The following DOCK10 variants were observed in gnomAD, a reference collection of about 807,000 sequenced individuals.
The protein encoded by DOCK10 is dedicator of cytokinesis 10.
DOCK10 carries 145 observed loss-of-function variants against 280.1 expected under a neutral mutation model. The observed-to-expected ratio is 0.52, with a 90% CI of 0.45 to 0.59. The LOEUF (loss-of-function observed/expected upper bound fraction) is 0.59. Among genes scored for constraint, DOCK10 ranks in the 20% least tolerant of loss-of-function variants. DOCK10 has a pLI of 0.00. For synonymous variants in DOCK10, 915 were observed against 942.2 expected (o/e 0.97, Z 0.53); for missense variants, 2,368 against 2,651.7 (o/e 0.89, Z 2.35).
At chr2:224,921,353 GT>G (rs1160590265) in intron 2 of DOCK10, among the ~76,000 whole-genome samples, 1 of 151,142 alleles carries the variant, frequency 6.6e-6, no homozygotes, top group African/African-American at 2.4e-5. Context: ...AATTTAAGAA[GT>G]TTTTTGTTTG....
At chr2:224,844,656 C>A (rs879229432) in intron 22 of DOCK10, 97 bp downstream of exon 22, 2 of 814,162 alleles carry the variant, frequency 2.5e-6, no homozygotes, top group Admixed American at 2.2e-5. Context: ...CTTTCTGACA[C>A]TTCATGAAAT....
chr2:224,918,798 TAGTGTATGTGTGGTGTG>T (rs1207906782), intron 2 of DOCK10, among the ~76,000 whole-genome samples: 6 of 150,620 alleles, frequency 4.0e-5, no homozygotes, highest in Non-Finnish European at 5.9e-5. Flanking sequence ...GTGAGTGTGG[TAGTGTATGTGTGGTGTG>T]AGTGTATGTG....
chr2:224,828,133 T>A (rs575099452), intron 27 of DOCK10, among the ~76,000 whole-genome samples: 1 of 152,286 alleles, frequency 6.6e-6, no homozygotes, highest in Admixed American at 6.5e-5. Context: ...AATCCTAGCT[T>A]AACCCAGCTG....
chr2:225,005,453 C>A (rs1468106595), intron 1 of DOCK10, among the ~76,000 whole-genome samples: 1 of 152,188 alleles, frequency 6.6e-6, no homozygotes, highest in Non-Finnish European at 1.5e-5. Flanking sequence ...TCATGTCCCA[C>A]CATCTTGATT....
intron 1 of DOCK10, among the ~76,000 whole-genome samples, chr2:224,993,668 G>GT (rs1269800925): frequency 6.6e-6 from 1 of 152,086 alleles, no homozygotes; most frequent in African/African-American, 2.4e-5. Context: ...ATTTTCAAGC[G>GT]TAACTGAATT....
At chr2:224,991,391 T>C (rs1361851752) in intron 1 of DOCK10, among the ~76,000 whole-genome samples, 1 of 152,206 alleles carries the variant, frequency 6.6e-6, no homozygotes, top group African/African-American at 2.4e-5. Flanking sequence ...TACATAACTG[T>C]TGTAACAAAG....
intron 27 of DOCK10, among the ~76,000 whole-genome samples, chr2:224,827,606 G>A (rs771987728): frequency 2.6e-5 from 4 of 152,118 alleles, no homozygotes; most frequent in South Asian, 2.1e-4. Context: ...GTTAAGCGTC[G>A]TTTTCGTCAG....
At chr2:224,919,569 T>G (rs1701572083) in intron 2 of DOCK10, among the ~76,000 whole-genome samples, 1 of 150,948 alleles carries the variant, frequency 6.6e-6, no homozygotes, top group African/African-American at 2.4e-5. Flanking sequence ...TGTGTCTGCA[T>G]GTGTATGTGT....
chr2:224,902,633 T>C (rs1700361666), intron 3 of DOCK10, among the ~76,000 whole-genome samples: 1 of 151,980 alleles, frequency 6.6e-6, no homozygotes, highest in Non-Finnish European at 1.5e-5. Context: ...AGACTGTTCC[T>C]GCAAACCAGG....
intron 7 of DOCK10, among the ~76,000 whole-genome samples, chr2:224,876,814 T>C (rs1698659250): frequency 6.6e-6 from 1 of 152,146 alleles, no homozygotes; most frequent in Admixed American, 6.5e-5. Context: ...TGTTCCTTCT[T>C]CTCATGACCT....
At chr2:225,003,408 A>G (rs1046830818) in intron 1 of DOCK10, among the ~76,000 whole-genome samples, 1 of 152,152 alleles carries the variant, frequency 6.6e-6, no homozygotes, top group African/African-American at 2.4e-5. Flanking sequence ...AAGTTCACTG[A>G]TGGTGGTGTG....
chr2:224,804,007 TG>T, intron 39 of DOCK10, 104 bp downstream of exon 39: 1 of 564,222 alleles, frequency 1.8e-6, no homozygotes, highest in Non-Finnish European at 3.1e-6. Flanking sequence ...AATATGTGTG[TG>T]TGTGTGTGTG....
chr2:224,844,776 C>T lies in DOCK10; in HGVS notation c.2545G>A (p.Val849Ile). The change falls in exon 22 of 56, where the codon GTT (valine) becomes ATT (isoleucine). Residue 849 changes from valine to isoleucine, a missense_variant. Val to Ile is a conservative substitution (Grantham distance 29). This residue lies in a region of DOCK10 where 1,209 missense variants were observed against 1,250.9 expected (regional missense o/e 0.97). Coordinates refer to ENST00000258390, the MANE Select transcript of DOCK10 (RefSeq NM_014689.3). ...ACCTGAGTATTTACTGTTGATACAA[C>T]AAATGTCGACACTTTGAAAAGTGGT... ...GKPLFKVSTF[V>I]VSTVNTQDPH... 1 of 1,600,836 alleles carries T rather than the reference C, an allele frequency of 6.2e-7. No individual in the cohort carries two copies. The highest frequency in any genetic ancestry group is 2.2e-5 in the East Asian group (1 of 44,662).
intron 1 of DOCK10, chr2:224,983,755 A>C: frequency 4.2e-6 from 2 of 471,086 alleles, no homozygotes; most frequent in Non-Finnish European, 8.8e-6. Context: ...TTTAAGAAGT[A>C]CTGGCTGCCA....
chr2:224,797,243 C>T (rs1559426519), intron 42 of DOCK10, 97 bp from the exon 43 acceptor site: 29 of 725,950 alleles, frequency 4.0e-5, no homozygotes, highest in South Asian at 1.5e-4. Context: ...AATCCCTCTC[C>T]TTTTTTTTTT....
rs1690034717 is a variant in DOCK10 at position 224,765,474 on chromosome 2, T to C, written c.*247A>G. 4 of 400,414 alleles carry C rather than the reference T, an allele frequency of 1.0e-5. No homozygotes were observed. Among genetic ancestry groups the C allele is most frequent in the Non-Finnish European group, 1.8e-5 (4 of 221,724 alleles). 24.8% of individuals were successfully genotyped at this position (400,414 alleles called of 1,614,324 possible). On this transcript the variant is annotated 3_prime_UTR_variant, in exon 56 of 56. Coordinates refer to ENST00000258390, the MANE Select transcript of DOCK10 (RefSeq NM_014689.3). ...CTGACAGCAAACTTAGGGTTTGCAT[T>C]TGAGCTACACATTCACTGGAATTTC...
chr2:224,890,190 G>T (rs1699574337), intron 4 of DOCK10, among the ~76,000 whole-genome samples: 1 of 152,146 alleles, frequency 6.6e-6, no homozygotes, highest in African/African-American at 2.4e-5. Context: ...GTCCTCTTTG[G>T]CCAGCATGGC....
rs770548693 is a variant in DOCK10, at chr2:225,014,076, A to AATATATATATATATAT, written c.123+28175_123+28176insATATATATATATATAT. Among the ~76,000 whole-genome samples the AATATATATATATATAT allele has an allele frequency of 6.9e-4, 61 of 87,808 alleles. 1 individual carries two copies. Among genetic ancestry groups the AATATATATATATATAT allele is most frequent in the African/African-American group, 2.0e-3 (57 of 28,974 alleles). The allele number at this position is 87,808 out of a possible 152,430, so 57.6% of individuals were successfully genotyped here. A position where few individuals can be genotyped will look rare whatever the true frequency, so the allele number is the denominator to read the frequency against. On this transcript the variant is annotated intron_variant, in intron 1 of 55. Transcript: ENST00000258390. ...TATTCAAAAAATCCCCAGAAGTCTG[A>AATATATATATATATAT]ATATATTGTTTTTTTTTTTTTGTTT... is the stretch of plus-strand genomic sequence containing the variant.
At chr2:225,019,305 T>A (rs1341635773) in intron 1 of DOCK10, among the ~76,000 whole-genome samples, 1 of 152,122 alleles carries the variant, frequency 6.6e-6, no homozygotes, top group Non-Finnish European at 1.5e-5. Context: ...TGAACAGATA[T>A]GGAGAAATAC....
Sources: gnomAD v4.1 joint callset for allele counts (sites outside exome capture counted in the v4.1 genomes callset) on GRCh38, gnomAD v4.1.1 for gene constraint, gnomAD v4.1.1 regional missense constraint, MANE v1.5 for transcripts, NCBI Gene and HGNC (gene_info 2026-07-23, HGNC 2026-07-21) for gene names.